The following PAQR8 variants were observed in gnomAD, a reference collection of about 807,000 sequenced individuals.
PAQR8 encodes progestin and adipoQ receptor family member 8, also known as membrane progestin receptor beta.
A neutral mutation model predicts 25.2 loss-of-function variants in PAQR8; 17 were observed. The observed-to-expected ratio is 0.67, with a 90% CI of 0.46 to 1.01. The LOEUF (loss-of-function observed/expected upper bound fraction) is 1.01, where lower values mean the gene tolerates loss of function less well. PAQR8 is among the 50% of genes least tolerant of loss of function. The pLI, the probability that PAQR8 is intolerant of heterozygous loss-of-function variation, is 0.00. For synonymous variants in PAQR8, 204 were observed against 190.6 expected (o/e 1.07, Z -0.58); for missense variants, 392 against 448.4 (o/e 0.87, Z 1.14).
At chr6:52,363,282 G>A (rs935017690) in intron 1 of PAQR8, among the ~76,000 whole-genome samples, 1 of 152,202 alleles carries the variant, frequency 6.6e-6, no homozygotes, top group Non-Finnish European at 1.5e-5. Context: ...AGACTAGTGG[G>A]AAGTCCAGGA....
At chr6:52,396,952 GAAGC>G (rs1763774104) in intron 1 of PAQR8, among the ~76,000 whole-genome samples, 1 of 152,178 alleles carries the variant, frequency 6.6e-6, no homozygotes, top group African/African-American at 2.4e-5. Context: ...AGGTGTAGCT[GAAGC>G]TAAGGGCCTG....
chr6:52,384,234 TCTA>T (rs1317991810), intron 1 of PAQR8, among the ~76,000 whole-genome samples: 1 of 152,208 alleles, frequency 6.6e-6, no homozygotes, highest in Non-Finnish European at 1.5e-5. Context: ...GATGGGGACA[TCTA>T]CACATACGTA....
At chr6:52,397,589 G>T (rs1390220110) in intron 1 of PAQR8, among the ~76,000 whole-genome samples, 4 of 152,186 alleles carry the variant, frequency 2.6e-5, no homozygotes, top group African/African-American at 4.8e-5. Flanking sequence ...GGCCTTTGTA[G>T]CCTGGAATAG....
intron 1 of PAQR8, among the ~76,000 whole-genome samples, chr6:52,374,813 C>T (rs1418176248): frequency 6.6e-6 from 1 of 151,966 alleles, no homozygotes; most frequent in Non-Finnish European, 1.5e-5. Flanking sequence ...CCATCTTACT[C>T]ATAGAGTTCT....
chr6:52,381,820 C>T (rs1763564353), intron 1 of PAQR8, among the ~76,000 whole-genome samples: 1 of 152,176 alleles, frequency 6.6e-6, no homozygotes, highest in South Asian at 2.1e-4. Flanking sequence ...GGCATTTAGC[C>T]TCAGCTGGTT....
chr6:52,392,202 G>T (rs1397046077), intron 1 of PAQR8, among the ~76,000 whole-genome samples: 1 of 152,222 alleles, frequency 6.6e-6, no homozygotes, highest in East Asian at 1.9e-4. Context: ...AAACTAGCTG[G>T]GTGTGGCAGT....
intron 1 of PAQR8, among the ~76,000 whole-genome samples, chr6:52,401,575 C>T (rs1763830614): frequency 6.6e-6 from 1 of 152,128 alleles, no homozygotes; most frequent in Non-Finnish European, 1.5e-5. Flanking sequence ...AAATCTAAAA[C>T]TACTTGCTTT....
At chr6:52,395,368 TG>T (rs1420643833) in intron 1 of PAQR8, among the ~76,000 whole-genome samples, 1 of 152,094 alleles carries the variant, frequency 6.6e-6, no homozygotes, top group Non-Finnish European at 1.5e-5. Flanking sequence ...AGTGAATTCA[TG>T]GTACATATAC....
chr6:52,366,909 C>T (rs1040299607), intron 1 of PAQR8, among the ~76,000 whole-genome samples: 1 of 152,072 alleles, frequency 6.6e-6, no homozygotes, highest in Non-Finnish European at 1.5e-5. Context: ...ACCACCACAC[C>T]CAGCTAATTT....
At chr6:52,402,599 A>G (rs1166247986) in intron 1 of PAQR8, among the ~76,000 whole-genome samples, 1 of 146,852 alleles carries the variant, frequency 6.8e-6, no homozygotes, top group Non-Finnish European at 1.5e-5. Flanking sequence ...CCTGGGCAAC[A>G]AGAGTGAAAC....
intron 1 of PAQR8, among the ~76,000 whole-genome samples, chr6:52,375,902 A>G (rs973082816): frequency 6.6e-6 from 1 of 152,228 alleles, no homozygotes; most frequent in Non-Finnish European, 1.5e-5. Context: ...TAGGTCCTTC[A>G]GTGGTTTGTC....
chr6:52,402,066 T>TA (rs1763835774), intron 1 of PAQR8, among the ~76,000 whole-genome samples: 1 of 152,116 alleles, frequency 6.6e-6, no homozygotes. Flanking sequence ...GTAGTAAACA[T>TA]AGAATATTGG....
At chr6:52,396,833 G>A (rs1763772641) in intron 1 of PAQR8, among the ~76,000 whole-genome samples, 1 of 152,196 alleles carries the variant, frequency 6.6e-6, no homozygotes, top group South Asian at 2.1e-4. Flanking sequence ...AGATGAGTCT[G>A]AAGTGCCCAT....
chr6:52,383,680 A>G (rs62407862), intron 1 of PAQR8, among the ~76,000 whole-genome samples: 1 of 145,216 alleles, frequency 6.9e-6, no homozygotes, highest in Non-Finnish European at 1.5e-5. Flanking sequence ...AAAAAAAACC[A>G]GGAATTCCAT....
At chr6:52,395,450 G>A (rs1763757296) in intron 1 of PAQR8, among the ~76,000 whole-genome samples, 1 of 152,028 alleles carries the variant, frequency 6.6e-6, no homozygotes, top group African/African-American at 2.4e-5. Context: ...AAAGGAGATA[G>A]GGGAGTTCAA....
chr6:52,404,827 A>T lies in PAQR8; in HGVS notation c.*549A>T, dbSNP rs1763888836. 1 of 170,508 alleles carries T rather than the reference A, an allele frequency of 5.9e-6. No individual in the cohort carries two copies. Among genetic ancestry groups the T allele is most frequent in the Non-Finnish European group, 1.4e-5 (1 of 70,294 alleles). The allele number at this position is 170,508 out of a possible 1,614,324, so 10.6% of individuals were successfully genotyped here. ...CTGATTTCTGGTCCCTCCTTTCTCG[A>T]CAACTATAATACTAACCCTTTTCTC... On this transcript the variant is annotated 3_prime_UTR_variant, in exon 2 of 2. Coordinates refer to ENST00000442253, the MANE Select transcript of PAQR8 (RefSeq NM_133367.5).
At chr6:52,398,197 C>A (rs796104584) in intron 1 of PAQR8, among the ~76,000 whole-genome samples, 2 of 133,704 alleles carry the variant, frequency 1.5e-5, no homozygotes, top group Non-Finnish European at 1.5e-5. Context: ...TTTTTCTTTT[C>A]TTTTTTCTTT....
At chr6:52,397,774 T>C (rs1006167065) in intron 1 of PAQR8, among the ~76,000 whole-genome samples, 2 of 152,162 alleles carry the variant, frequency 1.3e-5, no homozygotes, top group African/African-American at 4.8e-5. Context: ...GGTCAGCTGA[T>C]AGTCACATCA....
chr6:52,401,704 CCTAA>C (rs1201164577), intron 1 of PAQR8, among the ~76,000 whole-genome samples: 1 of 152,152 alleles, frequency 6.6e-6, no homozygotes, highest in Non-Finnish European at 1.5e-5. Context: ...TCTTTACCAA[CCTAA>C]CTGACGAGTC....
Sources: gnomAD v4.1 joint callset for allele counts (sites outside exome capture counted in the v4.1 genomes callset) on GRCh38, gnomAD v4.1.1 for gene constraint, MANE v1.5 for transcripts, NCBI Gene and HGNC (gene_info 2026-07-23, HGNC 2026-07-21) for gene names.